DTNA: variants seen among roughly 807,000 people sequenced by gnomAD.
The protein encoded by DTNA is dystrophin-related protein 3.
DTNA carries 43 observed loss-of-function variants against 100.7 expected under a neutral mutation model. The ratio of observed to expected loss-of-function variants is 0.43; its 90% CI spans 0.33 to 0.55. The LOEUF is 0.55. Ranked by LOEUF, DTNA falls within the 20% of genes least tolerant of loss-of-function variation. DTNA has a pLI of 0.04. For synonymous variants in DTNA, 349 were observed against 347.9 expected, an observed-to-expected ratio of 1.00 and a Z score of -0.04; for missense variants, 798 against 953.9, an observed-to-expected ratio of 0.84 and a Z score of 2.15.
chr18:34,701,156 A>G (rs2081309114), intron 1 of DTNA, among the ~76,000 whole-genome samples: 1 of 152,150 alleles, frequency 6.6e-6, no homozygotes, highest in Non-Finnish European at 1.5e-5. Flanking sequence ...TTGCTGCCCT[A>G]CATTTGCTCT....
At chr18:34,533,363 C>T (rs2043344706) in intron 1 of DTNA, among the ~76,000 whole-genome samples, 1 of 148,118 alleles carries the variant, frequency 6.8e-6, no homozygotes, top group Non-Finnish European at 1.5e-5. Flanking sequence ...AAGAGTGAAA[C>T]TCCATCTCAA....
intron 1 of DTNA, among the ~76,000 whole-genome samples, chr18:34,739,454 G>A (rs1046420551): frequency 3.3e-5 from 5 of 152,036 alleles, no homozygotes; most frequent in African/African-American, 9.7e-5. Context: ...TGGACCTTGG[G>A]GAATAAAAAC....
At chr18:34,552,660 G>A (rs1420559915) in intron 1 of DTNA, among the ~76,000 whole-genome samples, 2 of 151,312 alleles carry the variant, frequency 1.3e-5, no homozygotes, top group African/African-American at 2.4e-5. Context: ...AGTTTACTGA[G>A]AATGATGATT....
chr18:34,830,553 G>A (rs184462106), intron 11 of DTNA, among the ~76,000 whole-genome samples: 32 of 152,128 alleles, frequency 2.1e-4, no homozygotes, highest in African/African-American at 5.3e-4. Flanking sequence ...ATCATCTGTC[G>A]CATTCCCTGT....
At chr18:34,550,863 T>C (rs1365126564) in intron 1 of DTNA, among the ~76,000 whole-genome samples, 1 of 152,178 alleles carries the variant, frequency 6.6e-6, no homozygotes, top group Admixed American at 6.5e-5. Flanking sequence ...TTTCCTATTA[T>C]ATTTTGCTTT....
intron 4 of DTNA, among the ~76,000 whole-genome samples, chr18:34,805,333 C>CT (rs922027612): frequency 2.6e-5 from 4 of 151,328 alleles, no homozygotes; most frequent in Non-Finnish European, 5.9e-5. Flanking sequence ...AGAGCTTTTA[C>CT]TTTTTTTTTA....
chr18:34,887,928 G>A lies in DTNA; in HGVS notation c.*194G>A. The A allele has an allele frequency of 1.0e-6, 1 of 986,372 alleles. No individual in the cohort carries two copies. The highest frequency in any genetic ancestry group is 1.2e-6 in the Non-Finnish European group (1 of 830,006). The allele number at this position is 986,372 out of a possible 1,614,324, so 61.1% of individuals were successfully genotyped here. On this transcript the variant is annotated 3_prime_UTR_variant, in exon 23 of 23. Transcript: ENST00000444659. ...CTGACAGACCCCCACCCCTAAAGATGTGTCCTGATGACTATAGTGCAGCTA... is the reference window on the plus strand; with the variant it reads ...CTGACAGACCCCCACCCCTAAAGATATGTCCTGATGACTATAGTGCAGCTA...
chr18:34,806,374 C>T (rs761082745), intron 5 of DTNA, 70 bp downstream of exon 5: 2 of 1,230,928 alleles, frequency 1.6e-6, no homozygotes, highest in East Asian at 2.4e-5. Context: ...CTCCCTCATT[C>T]CTCTATGTCC....
intron 1 of DTNA, among the ~76,000 whole-genome samples, chr18:34,573,609 T>C (rs2047811837): frequency 6.6e-6 from 1 of 152,242 alleles, no homozygotes; most frequent in South Asian, 2.1e-4. Context: ...ACATTTATCA[T>C]GTACAACATG....
intron 1 of DTNA, among the ~76,000 whole-genome samples, chr18:34,671,226 A>T (rs2076712622): frequency 6.6e-6 from 1 of 152,180 alleles, no homozygotes; most frequent in South Asian, 2.1e-4. Context: ...AGACCCTCCG[A>T]GCCATGCGCA....
intron 1 of DTNA, among the ~76,000 whole-genome samples, chr18:34,713,530 C>T (rs983861442): frequency 6.6e-6 from 1 of 151,850 alleles, no homozygotes; most frequent in Non-Finnish European, 1.5e-5. Context: ...GTTTTGGTTA[C>T]TGTAGCCTTG....
intron 1 of DTNA, among the ~76,000 whole-genome samples, chr18:34,556,254 G>C (rs373830438): frequency 3.6e-4 from 55 of 151,880 alleles, no homozygotes; most frequent in Non-Finnish European, 5.4e-4. Context: ...TATTTTGAGC[G>C]TATGTGTGTC....
intron 1 of DTNA, among the ~76,000 whole-genome samples, chr18:34,627,803 T>C (rs1368735280): frequency 6.6e-6 from 1 of 152,240 alleles, no homozygotes; most frequent in African/African-American, 2.4e-5. Context: ...GTGCTAAGTC[T>C]GGGCAAAATA....
intron 14 of DTNA, among the ~76,000 whole-genome samples, chr18:34,850,229 C>G (rs2096456067): frequency 6.6e-6 from 1 of 152,144 alleles, no homozygotes; most frequent in Non-Finnish European, 1.5e-5. Flanking sequence ...CTTTATAATT[C>G]CTGATCAATT....
chr18:34,495,779 A>T (rs1174879256), intron 1 of DTNA, among the ~76,000 whole-genome samples: 2 of 152,204 alleles, frequency 1.3e-5, no homozygotes, highest in East Asian at 3.8e-4. Context: ...AAATACTTTT[A>T]AAATCTCCAC....
At chr18:34,696,301 G>C (rs953059062) in intron 1 of DTNA, among the ~76,000 whole-genome samples, 2 of 152,144 alleles carry the variant, frequency 1.3e-5, no homozygotes, top group Admixed American at 1.3e-4. Flanking sequence ...AAGATAGGCC[G>C]GGCATGGTGG....
intron 1 of DTNA, among the ~76,000 whole-genome samples, chr18:34,553,808 T>C (rs1420199019): frequency 6.6e-6 from 1 of 152,180 alleles, no homozygotes; most frequent in Non-Finnish European, 1.5e-5. Flanking sequence ...AGTCAGATAG[T>C]GTGATGCCTC....
intron 8 of DTNA, among the ~76,000 whole-genome samples, chr18:34,820,132 A>C (rs1434777727): frequency 6.6e-6 from 1 of 152,008 alleles, no homozygotes; most frequent in Non-Finnish European, 1.5e-5. Flanking sequence ...TTCTCTGGAA[A>C]TAACCTGAAT....
intron 1 of DTNA, among the ~76,000 whole-genome samples, chr18:34,675,382 T>C (rs1365762258): frequency 6.6e-6 from 1 of 152,172 alleles, no homozygotes; most frequent in Admixed American, 6.5e-5. Context: ...CCTTTTAATA[T>C]TTAGGCTACC....
Sources: allele counts gnomAD v4.1 joint callset (sites outside exome capture counted in the v4.1 genomes callset), GRCh38; gene constraint gnomAD v4.1.1; transcripts MANE v1.5; gene names NCBI Gene and HGNC (gene_info 2026-07-23, HGNC 2026-07-21).